PLCE1: variants seen among roughly 807,000 people sequenced by gnomAD.
PLCE1 encodes the protein 1-phosphatidylinositol 4,5-bisphosphate phosphodiesterase epsilon-1.
In PLCE1, 119 loss-of-function variants were observed where a neutral mutation model predicts 242.8. The observed-to-expected ratio is 0.49, with a 90% CI of 0.42 to 0.57. PLCE1 has a LOEUF of 0.57. Ranked by LOEUF, PLCE1 falls within the 20% of genes least tolerant of loss-of-function variation. The pLI, the probability that PLCE1 is intolerant of heterozygous loss-of-function variation, is 0.00. For missense variants in PLCE1, 2,441 were observed against 2,788.8 expected (o/e 0.88, Z 2.81); for synonymous variants, 945 against 1,017.4 (o/e 0.93, Z 1.35).
intron 23 of PLCE1, among the ~76,000 whole-genome samples, chr10:94,297,072 T>G (rs1340334456): frequency 6.6e-6 from 1 of 152,164 alleles, no homozygotes; most frequent in Non-Finnish European, 1.5e-5. Context: ...TTCACCATGT[T>G]AGCCAGGCTG....
chr10:94,086,164 T>C (rs1321163999), intron 2 of PLCE1, among the ~76,000 whole-genome samples: 1 of 152,162 alleles, frequency 6.6e-6, no homozygotes, highest in Non-Finnish European at 1.5e-5. Context: ...AAGCTTTGTC[T>C]TTTGGAATCT....
chr10:94,283,878 G>A lies in PLCE1; in HGVS notation c.4884G>A (p.Lys1628=), dbSNP rs988525181. 5 of 1,612,196 alleles carry A rather than the reference G, an allele frequency of 3.1e-6. No individual in the cohort carries two copies. The highest frequency in any genetic ancestry group is 4.2e-6 in the Non-Finnish European group (5 of 1,178,654). ...ATGAAGAAATCCCAAAGAGGATAAA[G>A]AAAGCAGATAACTCTGCTTGCAACA... ...EYNEEIPKRI[K]KADNSACNKG... The change falls in exon 21 of 33, where the codon AAG becomes AAA. Residue 1628 remains lysine (K), a synonymous_variant. Transcript: ENST00000371380.
intron 2 of PLCE1, among the ~76,000 whole-genome samples, chr10:94,129,969 T>C (rs2046548693): frequency 6.6e-6 from 1 of 152,208 alleles, no homozygotes; most frequent in Non-Finnish European, 1.5e-5. Context: ...CCTTATTGCT[T>C]GCATGGTGAG....
rs746261176 is a variant in PLCE1 at position 94,003,368 on chromosome 10, T to A, written c.-365+9110T>A. 2.6e-5 allele frequency among the ~76,000 whole-genome samples: 4 copies of A among 152,330 alleles called. No individual in the cohort carries two copies. The South Asian group carries it at 8.3e-4, about 32-fold the overall frequency. On this transcript the variant is annotated intron_variant, in intron 1 of 32. Coordinates refer to ENST00000371380, the MANE Select transcript of PLCE1 (RefSeq NM_016341.4). Reference sequence around the variant, plus strand: ...ATTTTATCAAATGCCAAAAAGGTAATCTTGGAGATGATTTTATGCTTTTTC... The same window carrying A: ...ATTTTATCAAATGCCAAAAAGGTAAACTTGGAGATGATTTTATGCTTTTTC...
chr10:94,281,537 T>C (rs2052222398), intron 20 of PLCE1, among the ~76,000 whole-genome samples: 1 of 152,146 alleles, frequency 6.6e-6, no homozygotes, highest in East Asian at 1.9e-4. Flanking sequence ...ACAATCCACA[T>C]ATGCAGAGGT....
rs140984749 is a variant in PLCE1, at chr10:94,126,619, G to T, written c.1207-5555G>T. 4.3e-3 allele frequency among the ~76,000 whole-genome samples: 661 copies of T among 152,234 alleles called. 1 individual carries two copies. Among genetic ancestry groups the T allele is most frequent in the African/African-American group, 0.014 (597 of 41,536 alleles). On this transcript the variant is annotated intron_variant, in intron 2 of 32. Transcript: ENST00000371380. ...GTGGATGCCATGTTGTGATGTGTTG[G>T]ATTTTGTTTCAAAAAAGATATTGGC...
chr10:94,165,193 G>T (rs967349544), intron 3 of PLCE1, among the ~76,000 whole-genome samples: 5 of 152,226 alleles, frequency 3.3e-5, no homozygotes, highest in African/African-American at 1.2e-4. Flanking sequence ...GTCCGCAGAG[G>T]TTTCTTCTGC....
chr10:94,016,108 C>A (rs7075027), intron 1 of PLCE1, among the ~76,000 whole-genome samples: 1,579 of 152,142 alleles, frequency 0.01, 10 homozygotes, highest in Middle Eastern at 0.02. Flanking sequence ...AGGGGCAAGG[C>A]AGTATGATTT....
chr10:94,257,692 G>T (rs987460909), intron 11 of PLCE1, among the ~76,000 whole-genome samples: 1 of 152,144 alleles, frequency 6.6e-6, no homozygotes, highest in Non-Finnish European at 1.5e-5. Flanking sequence ...AACACCGCGT[G>T]TTCTCACTCA....
chr10:94,241,745 C>G (rs1221903285), intron 7 of PLCE1, among the ~76,000 whole-genome samples: 1 of 150,556 alleles, frequency 6.6e-6, no homozygotes, highest in Non-Finnish European at 1.5e-5. Context: ...TGAGATTGTG[C>G]CACTGCACTC....
chr10:94,181,832 C>G (rs977122269), intron 4 of PLCE1, among the ~76,000 whole-genome samples: 1 of 123,832 alleles, frequency 8.1e-6, no homozygotes, highest in African/African-American at 4.6e-5. Context: ...GTGGGAGGAA[C>G]ATTTGGGCCC....
chr10:94,078,781 C>T (rs1289340677), intron 2 of PLCE1, among the ~76,000 whole-genome samples: 2 of 152,236 alleles, frequency 1.3e-5, no homozygotes, highest in Non-Finnish European at 2.9e-5. Context: ...CCATGTGTGG[C>T]CTGCTCATTC....
Position 94,254,894 on chromosome 10 carries a change from G to A in PLCE1, c.3399G>A (p.Glu1133=), listed in dbSNP as rs375482213. ...PQDINEQEES[E]VNAIANPPNP... ...CTTTTCTGTCTTTCATCCTCACAGA[G>A]GTGAATGCCATCGCTAACCCTCCAA... is the stretch of plus-strand genomic sequence containing the variant. Residue 1133 remains glutamate (E), a splice_region_variant and synonymous_variant, in exon 11 of 33, where the codon GAG becomes GAA. Transcript: ENST00000371380. 1 of 1,613,992 alleles carries A rather than the reference G, an allele frequency of 6.2e-7. No homozygotes were observed. The highest frequency in any genetic ancestry group is 8.5e-7 in the Non-Finnish European group (1 of 1,179,898).
chr10:94,258,781 G>A lies in PLCE1; in HGVS notation c.3555-19G>A, dbSNP rs373480422. 1 of 1,613,988 alleles carries A rather than the reference G, an allele frequency of 6.2e-7. No individual in the cohort carries two copies. The highest frequency in any genetic ancestry group is 1.1e-5 in the South Asian group (1 of 91,070). ...AGTGGCCTGCCCTTGTGCCCATGAA[G>A]GCCTTGTCTTTGTTGCAGTGCTTGG... On this transcript the variant is annotated intron_variant, in intron 11 of 32. Transcript: ENST00000371380.
chr10:94,147,650 T>A (rs933357320), intron 3 of PLCE1, among the ~76,000 whole-genome samples: 5 of 152,156 alleles, frequency 3.3e-5, no homozygotes, highest in African/African-American at 1.2e-4. Context: ...AGTTCCCTGA[T>A]ATTCACAATC....
chr10:94,197,242 G>T (rs760670520), intron 4 of PLCE1, among the ~76,000 whole-genome samples: 3 of 152,130 alleles, frequency 2.0e-5, no homozygotes, highest in Non-Finnish European at 4.4e-5. Context: ...TAAAAATAAT[G>T]ATGGCCATTT....
At chr10:94,019,875 T>G (rs561502692) in intron 1 of PLCE1, among the ~76,000 whole-genome samples, 1 of 152,286 alleles carries the variant, frequency 6.6e-6, no homozygotes, top group South Asian at 2.1e-4. Context: ...GAGTAGAATT[T>G]AGTTTTATGA....
intron 2 of PLCE1, among the ~76,000 whole-genome samples, chr10:94,069,557 G>A (rs2044294077): frequency 6.6e-6 from 1 of 152,286 alleles, no homozygotes; most frequent in South Asian, 2.1e-4. Flanking sequence ...AAGTTGCAGT[G>A]AGCCGAGAAC....
intron 2 of PLCE1, among the ~76,000 whole-genome samples, chr10:94,035,798 A>G (rs2061653012): frequency 1.3e-5 from 2 of 152,150 alleles, no homozygotes; most frequent in Non-Finnish European, 2.9e-5. Flanking sequence ...GCACAGGTGA[A>G]TTATAACTAG....
Sources: allele counts gnomAD v4.1 joint callset (sites outside exome capture counted in the v4.1 genomes callset), GRCh38; gene constraint gnomAD v4.1.1; transcripts MANE v1.5; gene names NCBI Gene and HGNC (gene_info 2026-07-23, HGNC 2026-07-21).